Variants in SLC4A2 observed in about 807,000 individuals in gnomAD.
SLC4A2 encodes the protein anion exchange protein 2.
In SLC4A2, 36 loss-of-function variants were observed where a neutral mutation model predicts 115.0. That is an observed-to-expected ratio of 0.31 (90% confidence interval 0.24 to 0.41). SLC4A2 has a LOEUF of 0.41. SLC4A2 is among the 10% of genes least tolerant of loss of function. The pLI is 1.00. For missense variants in SLC4A2, 1,252 were observed against 1,705.6 expected (o/e 0.73, Z 4.68); for synonymous variants, 708 against 708.3 (o/e 1.00, Z 0.01).
chr7:151,075,334 G>T lies in SLC4A2; in HGVS notation c.3127G>T (p.Gly1043Cys). 1 of 1,613,310 alleles carries T rather than the reference G, an allele frequency of 6.2e-7. No homozygotes were observed. Among genetic ancestry groups the T allele is most frequent in the Non-Finnish European group, 8.5e-7 (1 of 1,180,044 alleles). ...HLDLLLIVAM[G>C]GICALFGLPW... Reference sequence around the variant, plus strand: ...GGACCTGCTGCTCATCGTGGCCATGGGCGGCATCTGTGCCCTCTTTGGCCT... The same window carrying T: ...GGACCTGCTGCTCATCGTGGCCATGTGCGGCATCTGTGCCCTCTTTGGCCT... The change falls in exon 20 of 23, where the codon GGC becomes TGC. Residue 1043 changes from glycine to cysteine, a missense_variant. Transcript: ENST00000413384.
chr7:151,066,911 G>T lies in SLC4A2; in HGVS notation c.884G>T (p.Gly295Val), dbSNP rs1166786428. 3.1e-6 allele frequency: 5 copies of T among 1,613,596 alleles called. No homozygotes were observed. The highest frequency in any genetic ancestry group is 2.2e-5 in the East Asian group (1 of 44,896). The change falls in exon 7 of 23, where the codon GGT (glycine) becomes GTT (valine). Residue 295 changes from glycine to valine, a missense_variant. By Grantham distance (109) the Gly-to-Val change is moderately radical. Coordinates refer to ENST00000413384, the MANE Select transcript of SLC4A2 (RefSeq NM_003040.4). Reference protein sequence around the residue: ...RRHLVRKNAKGSTQSGREGRE... With the variant: ...RRHLVRKNAKVSTQSGREGRE... ...CACTTGGTGCGGAAGAATGCCAAAG[G>T]TTCCACACAGAGTGGCCGAGAAGGG...
chr7:151,076,017 G>C lies in SLC4A2; in HGVS notation c.3476G>C (p.Arg1159Pro). ...TCACCTGTCTCCGCCCCCCAGGTCC[G>C]GACCCTCCGTATGCACCTGTTCACG... ...HPDVTYVKKV[R>P]TLRMHLFTAL... Residue 1159 changes from arginine (R) to proline (P), a missense_variant, in exon 22 of 23, where the codon CGG becomes CCG. Coordinates refer to ENST00000413384, the MANE Select transcript of SLC4A2 (RefSeq NM_003040.4). 1 of 1,601,484 alleles carries C rather than the reference G, an allele frequency of 6.2e-7. No individual in the cohort carries two copies. The highest frequency in any genetic ancestry group is 8.5e-7 in the Non-Finnish European group (1 of 1,173,852).
rs34868944 is a variant in SLC4A2 at position 151,068,439 on chromosome 7, A to G, written c.1147+385A>G. ...GTGTTTGCTTGCTTGCTCCTTCCCA[A>G]TGAGTGACCACTCTCAGTTGTTGTT... On this transcript the variant is annotated intron_variant, in intron 8 of 22. Transcript: ENST00000413384. 1.8e-3 allele frequency among the ~76,000 whole-genome samples: 281 copies of G among 152,138 alleles called. 1 individual carries two copies. The highest frequency in any genetic ancestry group is 6.3e-3 in the African/African-American group (261 of 41,524).
Position 151,070,365 on chromosome 7 carries a change from C to T in SLC4A2, c.1449+19C>T. ...GCGAGAGGTGAGGGGAGAACCAGCC[C>T]TGCCTGGGCTGGCGGCAGGGCTGAG... is the stretch of plus-strand genomic sequence containing the variant. On this transcript the variant is annotated intron_variant, in intron 10 of 22. Transcript: ENST00000413384. 6.2e-7 allele frequency: 1 copy of T among 1,609,352 alleles called. No homozygotes were observed. Among genetic ancestry groups the T allele is most frequent in the Non-Finnish European group, 8.5e-7 (1 of 1,177,210 alleles).
intron 2 of SLC4A2, chr7:151,062,403 C>A: frequency 1.4e-6 from 1 of 733,354 alleles, no homozygotes; most frequent in Non-Finnish European, 2.1e-6. Flanking sequence ...GGGCGGAGCT[C>A]GCCTGCCACG....
rs781469259 is a variant in SLC4A2, at chr7:151,066,717, T to C, written c.779T>C (p.Ile260Thr). ...ALLPRVPTDE[I>T]EAQTLATADL... ...CTGCCCCGGGTCCCCACGGATGAGATTGAGGCCCAGACGCTGGCCACGGCC... is the reference window on the plus strand; with the variant it reads ...CTGCCCCGGGTCCCCACGGATGAGACTGAGGCCCAGACGCTGGCCACGGCC... Residue 260 changes from isoleucine to threonine, a missense_variant, in exon 6 of 23, where the codon ATT becomes ACT. By Grantham distance (89) the Ile-to-Thr change is moderately conservative. This residue lies in a region of SLC4A2 where 42 missense variants were observed against 93.1 expected (regional missense o/e 0.45). Coordinates refer to ENST00000413384, the MANE Select transcript of SLC4A2 (RefSeq NM_003040.4). 2.6e-6 allele frequency: 4 copies of C among 1,554,192 alleles called. 1 individual carries two copies. Among genetic ancestry groups the C allele is most frequent in the South Asian group, 2.4e-5 (2 of 84,446 alleles).
intron 7 of SLC4A2, 53 bp downstream of exon 7, chr7:151,067,046 C>T (rs551626504): frequency 3.5e-4 from 525 of 1,511,034 alleles, no homozygotes; most frequent in Non-Finnish European, 4.2e-4. Flanking sequence ...GACCCTGCCC[C>T]TACCTCTCAG....
In SLC4A2 at chr7:151,074,117, G is replaced by A; in HGVS notation, c.2614G>A (p.Ala872Thr). 1 of 1,612,026 alleles carries A rather than the reference G, an allele frequency of 6.2e-7. No individual in the cohort carries two copies. The highest frequency in any genetic ancestry group is 1.3e-5 in the African/African-American group (1 of 75,028). Residue 872 changes from alanine to threonine, a missense_variant, in exon 17 of 23, where the codon GCC becomes ACC. Physicochemically the swap from Ala to Thr is moderately conservative, Grantham distance 58 (BLOSUM62 0). This residue lies in a region of SLC4A2 where 55 missense variants were observed against 48.6 expected (regional missense o/e 1.13). Coordinates refer to ENST00000413384, the MANE Select transcript of SLC4A2 (RefSeq NM_003040.4). ...GGACGGCGGTGAGAACATGACATGG[G>A]CCGGGGCAAGACCCACGCTGGGGCC... ...EVDGGENMTW[A>T]GARPTLGPGN...
At position 151,076,320 on chromosome 7, in the gene SLC4A2, G is replaced by A. The variant is rs776016471; in HGVS notation, c.3679G>A (p.Glu1227Lys). The change falls in exon 23 of 23, where the codon GAG (glutamate) becomes AAG (lysine). Residue 1227 changes from glutamate (E) to lysine (K), a missense_variant. By Grantham distance (56) the Glu-to-Lys change is moderately conservative (BLOSUM62 1). Around this residue, in one of 14 missense-constraint regions of SLC4A2, gnomAD observed 52 missense variants for 40.6 expected, o/e 1.28. Transcript: ENST00000413384. ...TAACGAGGCAGAGCCGGTGTTTGAT[G>A]AGCGGGAGGGTGTGGACGAGTACAA... ...DANEAEPVFD[E>K]REGVDEYNEM... 6 of 1,544,794 alleles carry A rather than the reference G, an allele frequency of 3.9e-6. No homozygotes were observed. The African/African-American group carries it at 5.5e-5, about 14-fold the overall frequency.
At position 151,060,730 on chromosome 7, in the gene SLC4A2, C is replaced by T. The variant is rs34411853; in HGVS notation, c.-64+968C>T. Among the ~76,000 whole-genome samples, 1 of 152,186 alleles carries T rather than the reference C, an allele frequency of 6.6e-6. No homozygotes were observed. The highest frequency in any genetic ancestry group is 2.4e-5 in the African/African-American group (1 of 41,448). ...TGCACTCACGCTCACCCACACCACC[C>T]GCCCTGGCTGAAGGCCTGCTGAGGG... On this transcript the variant is annotated intron_variant, in intron 1 of 22. Coordinates refer to ENST00000413384, the MANE Select transcript of SLC4A2 (RefSeq NM_003040.4). This position sits in a 1 kb window ranked among gnomAD's most constrained non-coding sequence, Gnocchi z 5.9.
In SLC4A2 at chr7:151,075,247, GCT is replaced by G; in HGVS notation, c.3048-4_3048-3del. 1 of 1,612,036 alleles carries G rather than the reference GCT, an allele frequency of 6.2e-7. No individual in the cohort carries two copies. The highest frequency in any genetic ancestry group is 8.5e-7 in the Non-Finnish European group (1 of 1,179,924). ...CCTGGGCCTCAGCAGCACCCCTCCC[GCT>G]CTCAGGCTCATCATCTCCAAGAAGG... is the stretch of plus-strand genomic sequence containing the variant. On this transcript the variant is annotated splice_region_variant and splice_polypyrimidine_tract_variant and intron_variant, in intron 19 of 22. Transcript: ENST00000413384.
In SLC4A2 at chr7:151,064,877, C is replaced by T. The variant is rs772362382; in HGVS notation, c.489C>T (p.Asp163=). 4.3e-6 allele frequency: 7 copies of T among 1,614,006 alleles called. 1 individual carries two copies. In the South Asian group the frequency reaches 6.6e-5, roughly 15 times the overall value. ...QFFLQEDDSA[D]RKAERTSPSS... is the part of the protein sequence containing the mutation. ...TTCTCCAAGAGGATGACAGTGCTGA[C>T]CGGAAGGCAGAGAGGACCAGTCCAT... is the stretch of plus-strand genomic sequence containing the variant. The change falls in exon 5 of 23, where the codon GAC becomes GAT. Residue 163 remains aspartate (D), a synonymous_variant. Coordinates refer to ENST00000413384, the MANE Select transcript of SLC4A2 (RefSeq NM_003040.4).
chr7:151,069,515 C>G (rs1584991802), intron 8 of SLC4A2, among the ~76,000 whole-genome samples: 1 of 152,172 alleles, frequency 6.6e-6, no homozygotes, highest in South Asian at 2.1e-4. Flanking sequence ...TGCAGACCAG[C>G]TGAGTTGTGT....
intron 22 of SLC4A2, 43 bp from the exon 23 acceptor site, chr7:151,076,244 G>T (rs1232721868): frequency 2.5e-6 from 4 of 1,594,744 alleles, no homozygotes; most frequent in Non-Finnish European, 3.4e-6. Flanking sequence ...ATCTGGAAAG[G>T]CCCCCCCACT....
At chr7:151,072,166 A>G in intron 16 of SLC4A2, 30 bp downstream of exon 16, 1 of 1,588,352 alleles carries the variant, frequency 6.3e-7, no homozygotes, top group African/African-American at 1.3e-5. Flanking sequence ...GAGCTGGGCC[A>G]GGAGGGCCGA....
chr7:151,074,335 G>C (rs774606470), intron 17 of SLC4A2, 42 bp downstream of exon 17: 5 of 1,610,136 alleles, frequency 3.1e-6, no homozygotes, highest in African/African-American at 1.3e-5. Context: ...GGGGCAGGAA[G>C]GGGGGTGGCA....
In SLC4A2 at chr7:151,066,621, C is replaced by G; in HGVS notation, c.683C>G (p.Pro228Arg). Reference sequence around the variant, plus strand: ...GGGCGCCCCCTGCCCAAAGCCCAGCCTGGGCACCGCAGCTACAACCTTCAG... The same window carrying G: ...GGGCGCCCCCTGCCCAAAGCCCAGCGTGGGCACCGCAGCTACAACCTTCAG... Reference protein sequence around the residue: ...ASGRPLPKAQPGHRSYNLQER... With the variant: ...ASGRPLPKAQRGHRSYNLQER... The change falls in exon 6 of 23, where the codon CCT becomes CGT. Residue 228 changes from proline (P) to arginine (R), a missense_variant. By Grantham distance (103) the Pro-to-Arg change is moderately radical (BLOSUM62 -2). Coordinates refer to ENST00000413384, the MANE Select transcript of SLC4A2 (RefSeq NM_003040.4). 6.5e-7 allele frequency: 1 copy of G among 1,549,702 alleles called. No individual in the cohort carries two copies. The highest frequency in any genetic ancestry group is 8.7e-7 in the Non-Finnish European group (1 of 1,146,868).
chr7:151,068,701 G>T (rs1222598595), intron 8 of SLC4A2, among the ~76,000 whole-genome samples: 3 of 151,826 alleles, frequency 2.0e-5, no homozygotes, highest in African/African-American at 7.3e-5. Context: ...TTTATTTTTA[G>T]TAGAGATGGG....
intron 8 of SLC4A2, 75 bp downstream of exon 8, chr7:151,068,129 G>T: frequency 8.3e-7 from 1 of 1,208,658 alleles, no homozygotes. Flanking sequence ...AATCTGTCTT[G>T]AGCCCCACGT....
Sources: gnomAD v4.1 joint callset for allele counts (sites outside exome capture counted in the v4.1 genomes callset) on GRCh38, gnomAD v4.1.1 for gene constraint, gnomAD v4.1.1 regional missense constraint, Gnocchi (gnomAD v3.1) non-coding constraint, MANE v1.5 for transcripts, NCBI Gene and HGNC (gene_info 2026-07-23, HGNC 2026-07-21) for gene names.